The following CCDC68 variants were observed in gnomAD, a reference collection of about 807,000 sequenced individuals.
CCDC68 encodes coiled-coil domain-containing protein 68.
A neutral mutation model predicts 47.1 loss-of-function variants in CCDC68; 45 were observed. That is an observed-to-expected ratio of 0.96 (90% CI 0.75 to 1.23). The LOEUF is 1.23. CCDC68 is among the 50% of genes most tolerant of loss of function. The probability of loss-of-function intolerance (pLI) is 0.00; values close to 1 mark genes in which losing one functional copy is unlikely to be tolerated. For missense variants in CCDC68, 353 were observed against 373.6 expected (o/e 0.94, Z 0.45); for synonymous variants, 131 against 129.5 (o/e 1.01, Z -0.08).
chr18:54,957,625 ACACTCTCTCT>A (rs2044736147), intron 1 of CCDC68, among the ~76,000 whole-genome samples: 1 of 133,476 alleles, frequency 7.5e-6, no homozygotes, highest in Admixed American at 7.5e-5. Context: ...ACACACACAC[ACACTCTCTCT>A]CTCTCTCTCT....
chr18:54,938,105 G>A lies in CCDC68; in HGVS notation c.205-8C>T, dbSNP rs749569140. The A allele has an allele frequency of 1.6e-5, 25 of 1,602,218 alleles. No homozygotes were observed. The highest frequency in any genetic ancestry group is 4.5e-5 in the East Asian group (2 of 44,694). On this transcript the variant is annotated splice_polypyrimidine_tract_variant and splice_region_variant and intron_variant, in intron 4 of 11. Coordinates refer to ENST00000591504, the MANE Select transcript of CCDC68 (RefSeq NM_025214.3). ...TTGAAGGTTTCCACAGTGCTGAAAC[G>A]GACAAATGAAAATCATAGACCTGAC...
At chr18:54,930,450 T>C (rs1240612266) in intron 7 of CCDC68, among the ~76,000 whole-genome samples, 1 of 152,208 alleles carries the variant, frequency 6.6e-6, no homozygotes, top group Non-Finnish European at 1.5e-5. Context: ...CACTAATTAC[T>C]TCAAATCTTA....
chr18:54,904,347 A>G lies in CCDC68; in HGVS notation c.*11T>C. 6.2e-7 allele frequency: 1 copy of G among 1,606,234 alleles called. No individual in the cohort carries two copies. The highest frequency in any genetic ancestry group is 8.5e-7 in the Non-Finnish European group (1 of 1,172,946). ...CGCAGTCTTTCTAAATCAGATCTTC[A>G]TCCAGCCAGTTCATTTCCGTAACCT... is the stretch of plus-strand genomic sequence containing the variant. On this transcript the variant is annotated 3_prime_UTR_variant, in exon 12 of 12. Coordinates refer to ENST00000591504, the MANE Select transcript of CCDC68 (RefSeq NM_025214.3).
chr18:54,924,681 A>G (rs2044116693), intron 8 of CCDC68, among the ~76,000 whole-genome samples: 2 of 152,324 alleles, frequency 1.3e-5, no homozygotes, highest in South Asian at 4.1e-4. Flanking sequence ...AATTAGCAAC[A>G]TGGGATGATC....
chr18:54,949,463 C>T (rs1008949879), intron 1 of CCDC68, among the ~76,000 whole-genome samples: 4 of 152,298 alleles, frequency 2.6e-5, no homozygotes, highest in African/African-American at 9.6e-5. Flanking sequence ...GTGGCTATTA[C>T]GGATCCCCCA....
intron 7 of CCDC68, among the ~76,000 whole-genome samples, chr18:54,932,359 A>T (rs1023530456): frequency 1.4e-5 from 2 of 145,856 alleles, no homozygotes; most frequent in South Asian, 4.4e-4. Flanking sequence ...TAATTTTTGA[A>T]TTTTTTTTTT....
At chr18:54,929,944 C>T (rs1045499050) in intron 7 of CCDC68, among the ~76,000 whole-genome samples, 1 of 152,212 alleles carries the variant, frequency 6.6e-6, no homozygotes, top group African/African-American at 2.4e-5. Flanking sequence ...ATTTAATCAT[C>T]TGACCCAAGA....
intron 11 of CCDC68, 141 bp downstream of exon 11, chr18:54,907,645 T>C: frequency 1.7e-6 from 1 of 605,338 alleles, no homozygotes; most frequent in Non-Finnish European, 3.0e-6. Flanking sequence ...TTAACACAGT[T>C]CTGAATAGAA....
At chr18:54,923,578 A>T (rs2044097704) in intron 8 of CCDC68, among the ~76,000 whole-genome samples, 1 of 152,188 alleles carries the variant, frequency 6.6e-6, no homozygotes, top group East Asian at 1.9e-4. Flanking sequence ...CATTGCAGAA[A>T]ATCTCTATTA....
intron 7 of CCDC68, among the ~76,000 whole-genome samples, chr18:54,929,561 C>G (rs1329752282): frequency 6.6e-6 from 1 of 152,002 alleles, no homozygotes; most frequent in African/African-American, 2.4e-5. Flanking sequence ...TTTGATGGCA[C>G]TCAGCTGAAA....
intron 8 of CCDC68, among the ~76,000 whole-genome samples, chr18:54,923,797 C>T (rs1428958778): frequency 6.6e-6 from 1 of 151,760 alleles, no homozygotes; most frequent in Non-Finnish European, 1.5e-5. Flanking sequence ...CTGCAACCTC[C>T]AGCTCCTGGG....
chr18:54,914,367 C>T (rs2043908945), intron 10 of CCDC68, among the ~76,000 whole-genome samples: 2 of 151,990 alleles, frequency 1.3e-5, no homozygotes, highest in African/African-American at 4.8e-5. Context: ...CCTATAATCC[C>T]AGCACTTTGG....
At chr18:54,918,179 G>A (rs1017826225) in intron 9 of CCDC68, among the ~76,000 whole-genome samples, 183 bp from the exon 10 acceptor site, 12 of 152,186 alleles carry the variant, frequency 7.9e-5, no homozygotes, top group African/African-American at 2.7e-4. Flanking sequence ...TGACACCTGG[G>A]GCTGAAAGCC....
chr18:54,927,115 T>A (rs2044159472), intron 8 of CCDC68, among the ~76,000 whole-genome samples: 1 of 152,146 alleles, frequency 6.6e-6, no homozygotes, highest in South Asian at 2.1e-4. Context: ...ACCAAAAGAG[T>A]CTGAGTCATA....
intron 8 of CCDC68, among the ~76,000 whole-genome samples, chr18:54,926,146 G>T (rs2044141518): frequency 2.0e-5 from 3 of 152,050 alleles, no homozygotes; most frequent in Admixed American, 2.0e-4. Context: ...AATACAGAGG[G>T]GCCAACACTG....
intron 8 of CCDC68, among the ~76,000 whole-genome samples, chr18:54,919,995 T>C (rs2044028250): frequency 6.6e-6 from 1 of 152,132 alleles, no homozygotes; most frequent in South Asian, 2.1e-4. Context: ...TCCACATCCA[T>C]CATTATGGAA....
chr18:54,919,271 C>A lies in CCDC68; in HGVS notation c.789G>T (p.Glu263Asp). 6.2e-7 allele frequency: 1 copy of A among 1,610,832 alleles called. No homozygotes were observed. The highest frequency in any genetic ancestry group is 1.1e-5 in the South Asian group (1 of 91,018). Residue 263 changes from glutamate to aspartate, a missense_variant and splice_region_variant, in exon 9 of 12, where the codon GAG becomes GAT. Coordinates refer to ENST00000591504, the MANE Select transcript of CCDC68 (RefSeq NM_025214.3). ...QHQNLRSVIQ[E>D]MEGLKNNLKE... ...GATAAATACACTTGATTAATCTGACCTCCTGGATGACACTGCGCAGGTTCT... is the reference window on the plus strand; with the variant it reads ...GATAAATACACTTGATTAATCTGACATCCTGGATGACACTGCGCAGGTTCT...
In CCDC68 at chr18:54,919,427, TCCATAGCTCGTCCTTA is replaced by T. The variant is rs57521689; in HGVS notation, c.684-67_684-52del. 1,070 of 1,396,608 alleles carry T rather than the reference TCCATAGCTCGTCCTTA, an allele frequency of 7.7e-4. 5 individuals carry two copies. In the African/African-American group the frequency reaches 0.013, roughly 17 times the overall value. The allele number at this position is 1,396,608 out of a possible 1,614,324, so 86.5% of individuals were successfully genotyped here. A position where few individuals can be genotyped will look rare whatever the true frequency, so the allele number is the denominator to read the frequency against. ...AAGAGAAAATGATTGGCTCACACGT[TCCATAGCTCGTCCTTA>T]CTGCTAGCCCTCCTACACACTCTAC... On this transcript the variant is annotated intron_variant, in intron 8 of 11. Transcript: ENST00000591504.
At chr18:54,923,630 C>T (rs1321435621) in intron 8 of CCDC68, among the ~76,000 whole-genome samples, 1 of 152,172 alleles carries the variant, frequency 6.6e-6, no homozygotes, top group East Asian at 1.9e-4. Flanking sequence ...CCATTTAAGA[C>T]CTTTAAATGT....
Sources: gnomAD v4.1 joint callset for allele counts (sites outside exome capture counted in the v4.1 genomes callset) on GRCh38, gnomAD v4.1.1 for gene constraint, MANE v1.5 for transcripts, NCBI Gene and HGNC (gene_info 2026-07-23, HGNC 2026-07-21) for gene names.